KCNIP1: variants seen among roughly 807,000 people sequenced by gnomAD.
KCNIP1 encodes potassium voltage-gated channel interacting protein 1.
KCNIP1 carries 18 observed loss-of-function variants against 33.0 expected under a neutral mutation model. The observed-to-expected ratio is 0.55, with a 90% CI of 0.38 to 0.81. KCNIP1 has a LOEUF of 0.81. Ranked by LOEUF, KCNIP1 falls within the 30% of genes least tolerant of loss-of-function variation. KCNIP1 has a pLI of 0.00. For synonymous variants in KCNIP1, 93 were observed against 98.3 expected (o/e 0.95, Z 0.32); for missense variants, 238 against 271.6 (o/e 0.88, Z 0.87).
intron 1 of KCNIP1, among the ~76,000 whole-genome samples, chr5:170,640,465 G>C (rs1760496988): frequency 6.6e-6 from 1 of 152,240 alleles, no homozygotes; most frequent in South Asian, 2.1e-4. Context: ...GGTTTGGGCT[G>C]TGTGCCCCAG....
chr5:170,549,379 A>G (rs1018879760), intron 1 of KCNIP1, among the ~76,000 whole-genome samples: 1 of 152,214 alleles, frequency 6.6e-6, no homozygotes, highest in Non-Finnish European at 1.5e-5. Context: ...ACAGTGATGA[A>G]GCCATGGCTT....
intron 1 of KCNIP1, among the ~76,000 whole-genome samples, chr5:170,357,921 A>C (rs921922947): frequency 1.3e-4 from 20 of 152,134 alleles, no homozygotes; most frequent in African/African-American, 4.8e-4. Context: ...CCTTATTAGG[A>C]GTTAAAAGCC....
intron 1 of KCNIP1, among the ~76,000 whole-genome samples, chr5:170,443,042 G>T (rs1193194299): frequency 6.6e-6 from 1 of 152,190 alleles, no homozygotes; most frequent in Non-Finnish European, 1.5e-5. Context: ...ACCCACCTTG[G>T]CCCTTTCCCT....
intron 1 of KCNIP1, among the ~76,000 whole-genome samples, chr5:170,634,683 T>G (rs1431240735): frequency 1.3e-5 from 2 of 152,054 alleles, no homozygotes; most frequent in Admixed American, 1.3e-4. Flanking sequence ...GTTGGCAGAT[T>G]AGGAAGGACC....
intron 1 of KCNIP1, chr5:170,639,361 G>T (rs1457416803): frequency 6.6e-6 from 1 of 152,078 alleles, no homozygotes; most frequent in African/African-American, 2.4e-5. Flanking sequence ...GAACAGAACG[G>T]ACGTCTCAAA....
intron 1 of KCNIP1, among the ~76,000 whole-genome samples, chr5:170,517,652 T>C (rs1237347416): frequency 5.6e-5 from 7 of 125,810 alleles, no homozygotes; most frequent in African/African-American, 2.0e-4. Flanking sequence ...ATGACAGCGA[T>C]GGTGGTATGG....
chr5:170,636,735 G>A (rs569816163), intron 1 of KCNIP1, among the ~76,000 whole-genome samples: 1 of 152,258 alleles, frequency 6.6e-6, no homozygotes, highest in East Asian at 1.9e-4. Flanking sequence ...GGCTCAAGGT[G>A]GGGGTCAGAA....
intron 1 of KCNIP1, among the ~76,000 whole-genome samples, chr5:170,559,092 A>C (rs1160967031): frequency 6.6e-6 from 1 of 152,212 alleles, no homozygotes; most frequent in African/African-American, 2.4e-5. Flanking sequence ...ACTACTGTTG[A>C]AAATCCTCTT....
intron 1 of KCNIP1, among the ~76,000 whole-genome samples, chr5:170,367,372 A>T: frequency 8.7e-6 from 1 of 114,534 alleles, no homozygotes; most frequent in East Asian, 2.4e-4. Context: ...AAAGAAAGAA[A>T]GAAAGAAAGA....
At chr5:170,503,692 G>GCACGCACATC (rs1757466314), upstream of KCNIP1, among the ~76,000 whole-genome samples, 1 of 142,946 alleles carries the variant, frequency 7.0e-6, no homozygotes, top group Non-Finnish European at 1.6e-5. Context: ...CACACACAGG[G>GCACGCACATC]ACACACACAC....
intron 1 of KCNIP1, among the ~76,000 whole-genome samples, chr5:170,426,421 C>A (rs1307059268): frequency 6.6e-6 from 1 of 152,166 alleles, no homozygotes; most frequent in Non-Finnish European, 1.5e-5. Flanking sequence ...TCTTGCTTTG[C>A]CTCCTACTGA....
chr5:170,520,285 G>T (rs151292561), intron 1 of KCNIP1, among the ~76,000 whole-genome samples: 2 of 152,296 alleles, frequency 1.3e-5, no homozygotes, highest in Non-Finnish European at 2.9e-5. Flanking sequence ...ACCAGCCCAA[G>T]GTCACATAGC....
At chr5:170,585,763 C>T (rs949955915) in intron 1 of KCNIP1, among the ~76,000 whole-genome samples, 3 of 152,220 alleles carry the variant, frequency 2.0e-5, no homozygotes, top group African/African-American at 7.2e-5. Context: ...GGGCCATTCG[C>T]TGAGTGGCAC....
chr5:170,700,953 A>G (rs982376034), intron 1 of KCNIP1, among the ~76,000 whole-genome samples: 1 of 152,230 alleles, frequency 6.6e-6, no homozygotes, highest in African/African-American at 2.4e-5. Flanking sequence ...ACAACATTAC[A>G]ATAAACACAA....
chr5:170,568,600 G>T (rs1388606212), intron 1 of KCNIP1, among the ~76,000 whole-genome samples: 1 of 130,096 alleles, frequency 7.7e-6, no homozygotes, highest in Non-Finnish European at 1.6e-5. Flanking sequence ...ATCACCTGAG[G>T]TCAGAGTTTG....
intron 1 of KCNIP1, among the ~76,000 whole-genome samples, chr5:170,484,784 AC>A (rs1477665873): frequency 7.3e-6 from 1 of 137,506 alleles, no homozygotes; most frequent in Non-Finnish European, 1.6e-5. Context: ...CCACCTTTCC[AC>A]CCTCTCTCTG....
At chr5:170,682,784 C>CTTTTTTTTTTGTTTTT (rs1762396898) in intron 1 of KCNIP1, among the ~76,000 whole-genome samples, 1 of 71,404 alleles carries the variant, frequency 1.4e-5, no homozygotes, top group Admixed American at 2.3e-4. Context: ...TTCTTTGTTT[C>CTTTTTTTTTTGTTTTT]TTTTTTTTTT....
intron 1 of KCNIP1, chr5:170,374,632 C>T (rs1388441154): frequency 6.6e-6 from 1 of 152,138 alleles, no homozygotes; most frequent in Non-Finnish European, 1.5e-5. Flanking sequence ...GTCACTAGTC[C>T]ATGAGAGGAC....
At chr5:170,367,349 A>ACAAGAAAGAAAGAAAGAAAGAAAGAAAG (rs372538602) in intron 1 of KCNIP1, among the ~76,000 whole-genome samples, 1 of 76,890 alleles carries the variant, frequency 1.3e-5, no homozygotes, top group African/African-American at 5.7e-5. Flanking sequence ...GAAGGAAAGA[A>ACAAGAAAGAAAGAAAGAAAGAAAGAAAG]AAAGAAAGAA....
Sources: allele counts gnomAD v4.1 joint callset (sites outside exome capture counted in the v4.1 genomes callset), GRCh38; gene constraint gnomAD v4.1.1; transcripts MANE v1.5; gene names NCBI Gene and HGNC (gene_info 2026-07-23, HGNC 2026-07-21).